The following MEGF10 variants were observed in gnomAD, a reference collection of about 807,000 sequenced individuals.
MEGF10 encodes multiple epidermal growth factor-like domains protein 10.
In MEGF10, 86 loss-of-function variants were observed where a neutral mutation model predicts 147.5. The observed-to-expected ratio is 0.58, with a 90% CI of 0.49 to 0.70. The LOEUF is 0.70. MEGF10 is among the 30% of genes least tolerant of loss of function. The pLI is 0.00. For synonymous variants in MEGF10, 478 were observed against 525.5 expected, an observed-to-expected ratio of 0.91 and a Z score of 1.24; for missense variants, 1,329 against 1,487.3, an observed-to-expected ratio of 0.89 and a Z score of 1.75.
intron 13 of MEGF10, among the ~76,000 whole-genome samples, chr5:127,429,417 G>C (rs1358512894): frequency 6.6e-6 from 1 of 152,162 alleles, no homozygotes. Context: ...ACTTATTCAG[G>C]AAAGCAAAGA....
intron 13 of MEGF10, chr5:127,424,644 C>T: frequency 1.1e-5 from 12 of 1,070,150 alleles, no homozygotes; most frequent in Non-Finnish European, 1.4e-5. Flanking sequence ...CCTTGGGAAA[C>T]AGGCTAAGGC....
chr5:127,397,636 A>G (rs1401199225), intron 6 of MEGF10, among the ~76,000 whole-genome samples: 4 of 152,222 alleles, frequency 2.6e-5, no homozygotes, highest in Non-Finnish European at 5.9e-5. Flanking sequence ...GAGTGGAGCT[A>G]AAGAAAAAAA....
chr5:127,288,677 T>C (rs747519115), upstream of MEGF10, among the ~76,000 whole-genome samples: 2 of 152,224 alleles, frequency 1.3e-5, no homozygotes, highest in Non-Finnish European at 2.9e-5. Context: ...GCAGTTCATC[T>C]TTCTATATAG....
At chr5:127,362,668 A>G (rs756436484) in intron 4 of MEGF10, among the ~76,000 whole-genome samples, 39 of 152,066 alleles carry the variant, frequency 2.6e-4, no homozygotes, top group Non-Finnish European at 2.6e-4. Flanking sequence ...CCGGCCAAAT[A>G]TTTGCGTTTT....
At chr5:127,391,139 CACACACACACACACAT>C (rs1561614942) in intron 5 of MEGF10, among the ~76,000 whole-genome samples, 1 of 113,196 alleles carries the variant, frequency 8.8e-6, no homozygotes, top group Non-Finnish European at 2.1e-5. Flanking sequence ...CACACACACA[CACACACACACACACAT>C]ACATGCTTAT....
intron 5 of MEGF10, among the ~76,000 whole-genome samples, chr5:127,377,820 C>G (rs1408195089): frequency 6.6e-6 from 1 of 152,178 alleles, no homozygotes; most frequent in Non-Finnish European, 1.5e-5. Flanking sequence ...TCGCTGCAGT[C>G]ATTAACAGGC....
rs760940993 is a variant in MEGF10, at chr5:127,457,131, C to A, written c.3236C>A (p.Pro1079His). 1 of 1,610,552 alleles carries A rather than the reference C, an allele frequency of 6.2e-7. No individual in the cohort carries two copies. Among genetic ancestry groups the A allele is most frequent in the South Asian group, 1.1e-5 (1 of 90,080 alleles). ...AATATGTCCTTGGTTATCACAGAAC[C>A]TACAGTGAGTGTTGTCCAAGGAGTA... ...SANRNVYEVE[P>H]TVSVVQGVFS... Residue 1079 changes from proline (P) to histidine (H), a missense_variant, in exon 25 of 25, where the codon CCT becomes CAT. Pro to His is a moderately conservative substitution (Grantham distance 77). This residue lies in a region of MEGF10 where 343 missense variants were observed against 377.9 expected (regional missense o/e 0.91). Coordinates refer to ENST00000503335, the MANE Select transcript of MEGF10 (RefSeq NM_001256545.2).
intron 9 of MEGF10, among the ~76,000 whole-genome samples, chr5:127,412,715 C>G (rs1156940745): frequency 6.6e-6 from 1 of 152,152 alleles, no homozygotes; most frequent in Non-Finnish European, 1.5e-5. Context: ...AAAACTACTC[C>G]AAACCCAATG....
chr5:127,270,855 A>C, the MEGF10 span, among the ~76,000 whole-genome samples: 547 of 152,330 alleles, frequency 3.6e-3, 2 homozygotes, highest in African/African-American at 0.012. Flanking sequence ...TTTGCTAAGG[A>C]TAATGGCCTC....
chr5:127,317,684 G>C (rs1760617007), intron 1 of MEGF10, among the ~76,000 whole-genome samples: 1 of 152,122 alleles, frequency 6.6e-6, no homozygotes, highest in African/African-American at 2.4e-5. Flanking sequence ...CTCACTCATA[G>C]GTGGGAATTG....
chr5:127,401,825 A>G (rs996800949), intron 7 of MEGF10, among the ~76,000 whole-genome samples: 1 of 152,214 alleles, frequency 6.6e-6, no homozygotes, highest in African/African-American at 2.4e-5. Context: ...GCTTGACAAG[A>G]TGGACAGCCT....
In MEGF10 at chr5:127,445,946, T is replaced by A. The variant is rs529612280; in HGVS notation, c.2728+253T>A. 2.0e-5 allele frequency among the ~76,000 whole-genome samples: 3 copies of A among 152,304 alleles called. No individual in the cohort carries two copies. In the South Asian group the frequency reaches 6.2e-4, roughly 32 times the overall value. ...TGTTTGTGGTTTAGATTTAGGGAAT[T>A]TCAATCCATAAGGAGCTTTGTATCC... is the stretch of plus-strand genomic sequence containing the variant. On this transcript the variant is annotated intron_variant, in intron 20 of 24. Coordinates refer to ENST00000503335, the MANE Select transcript of MEGF10 (RefSeq NM_001256545.2).
chr5:127,330,609 A>G (rs2126782650), intron 1 of MEGF10, among the ~76,000 whole-genome samples: 1 of 152,256 alleles, frequency 6.6e-6, no homozygotes, highest in Non-Finnish European at 1.5e-5. Flanking sequence ...TTTTCTATGT[A>G]TAATCTAGTT....
chr5:127,434,633 T>G, intron 14 of MEGF10, 54 bp from the exon 15 acceptor site: 1 of 1,538,786 alleles, frequency 6.5e-7, no homozygotes, highest in Non-Finnish European at 8.8e-7. Flanking sequence ...CGATCTGGAA[T>G]GCGAGACAAA....
At chr5:127,300,869 C>G (rs1759734424) in intron 1 of MEGF10, among the ~76,000 whole-genome samples, 1 of 152,160 alleles carries the variant, frequency 6.6e-6, no homozygotes, top group African/African-American at 2.4e-5. Context: ...CCTAAGAGAT[C>G]AATAGTGTTA....
At chr5:127,231,528 C>T in the MEGF10 span, among the ~76,000 whole-genome samples, 2 of 152,246 alleles carry the variant, frequency 1.3e-5, no homozygotes, top group South Asian at 4.1e-4. Flanking sequence ...TACTCTATCA[C>T]ATCAACCCCT....
At chr5:127,240,666 ACAAT>A in the MEGF10 span, among the ~76,000 whole-genome samples, 2,511 of 152,274 alleles carry the variant, frequency 0.016, 57 homozygotes, top group East Asian at 0.086. Context: ...GTTTCCTTTC[ACAAT>A]CAATATGACT....
chr5:127,268,142 A>C, the MEGF10 span, among the ~76,000 whole-genome samples: 2 of 152,016 alleles, frequency 1.3e-5, no homozygotes, highest in African/African-American at 4.8e-5. Context: ...TTGGTTTCAA[A>C]GAACATCTAT....
chr5:127,236,724 T>C, the MEGF10 span, among the ~76,000 whole-genome samples: 1 of 152,240 alleles, frequency 6.6e-6, no homozygotes, highest in Non-Finnish European at 1.5e-5. Flanking sequence ...AAAAACTGCC[T>C]CCTCTTGGAA....
Sources: allele counts gnomAD v4.1 joint callset (sites outside exome capture counted in the v4.1 genomes callset), GRCh38; gene constraint gnomAD v4.1.1; regional missense constraint gnomAD v4.1.1; transcripts MANE v1.5; gene names NCBI Gene and HGNC (gene_info 2026-07-23, HGNC 2026-07-21).